Variants in DOK6 observed in about 807,000 individuals in gnomAD.
The protein encoded by DOK6 is downstream of tyrosine kinase 6.
DOK6 carries 22 observed loss-of-function variants against 44.0 expected under a neutral mutation model. The ratio of observed to expected loss-of-function variants is 0.50; its 90% CI spans 0.36 to 0.71. DOK6 has a LOEUF of 0.71. Ranked by LOEUF, DOK6 falls within the 30% of genes least tolerant of loss-of-function variation. DOK6 has a pLI of 0.00. For missense variants in DOK6, 340 were observed against 416.4 expected (o/e 0.82, Z 1.60); for synonymous variants, 166 against 145.5 (o/e 1.14, Z -1.01).
At chr18:69,587,645 T>A (rs2144614540) in intron 2 of DOK6, among the ~76,000 whole-genome samples, 1 of 152,270 alleles carries the variant, frequency 6.6e-6, no homozygotes, top group South Asian at 2.1e-4. Flanking sequence ...AGCTGTATAG[T>A]ATCTGATAAT....
At chr18:69,518,715 GA>G (rs1981602998) in intron 1 of DOK6, among the ~76,000 whole-genome samples, 2 of 151,942 alleles carry the variant, frequency 1.3e-5, no homozygotes, top group South Asian at 4.1e-4. Flanking sequence ...AAAACAGAAA[GA>G]AAAATCTTTA....
intron 7 of DOK6, among the ~76,000 whole-genome samples, chr18:69,773,549 C>G (rs1428742071): frequency 4.6e-5 from 7 of 151,776 alleles, no homozygotes; most frequent in South Asian, 4.1e-4. Context: ...CATGGATGAG[C>G]CTTGAGGATG....
intron 1 of DOK6, among the ~76,000 whole-genome samples, chr18:69,552,745 G>A (rs1982595950): frequency 6.6e-6 from 1 of 152,214 alleles, no homozygotes; most frequent in African/African-American, 2.4e-5. Flanking sequence ...AGGTGTTCTT[G>A]TTTGTTTCAT....
intron 5 of DOK6, among the ~76,000 whole-genome samples, chr18:69,726,274 TG>T (rs1379215086): frequency 6.6e-6 from 1 of 152,244 alleles, no homozygotes; most frequent in African/African-American, 2.4e-5. Flanking sequence ...CGCTCTTGTT[TG>T]AGTCATCACT....
intron 2 of DOK6, among the ~76,000 whole-genome samples, chr18:69,586,531 T>C (rs1983504926): frequency 6.6e-6 from 1 of 152,206 alleles, no homozygotes; most frequent in Non-Finnish European, 1.5e-5. Flanking sequence ...CCATTCCCTC[T>C]GAAAAATTCA....
At chr18:69,460,486 T>C (rs901152295) in intron 1 of DOK6, among the ~76,000 whole-genome samples, 2 of 152,208 alleles carry the variant, frequency 1.3e-5, no homozygotes, top group African/African-American at 2.4e-5. Flanking sequence ...AGTCAGTTTA[T>C]GCTTTATGTA....
chr18:69,707,459 A>T (rs965473954), intron 5 of DOK6, among the ~76,000 whole-genome samples: 5 of 152,214 alleles, frequency 3.3e-5, no homozygotes, highest in African/African-American at 1.2e-4. Context: ...CAGCTTGCTT[A>T]CTAGTTTCCT....
chr18:69,841,157 A>G lies in DOK6; in HGVS notation c.857-87A>G, dbSNP rs933688365. ...GTTTATTGTTCTTAAAAATATAGAT[A>G]GATAGATAATAGATAGATGATAGAT... On this transcript the variant is annotated intron_variant, in intron 7 of 7. Coordinates refer to ENST00000382713, the MANE Select transcript of DOK6 (RefSeq NM_152721.6). 89 of 1,506,914 alleles carry G rather than the reference A, an allele frequency of 5.9e-5. 1 individual carries two copies. Among genetic ancestry groups the G allele is most frequent in the Non-Finnish European group, 1.1e-5 (12 of 1,100,486 alleles). 93.3% of individuals were successfully genotyped at this position (1,506,914 alleles called of 1,614,324 possible).
intron 3 of DOK6, among the ~76,000 whole-genome samples, chr18:69,640,369 G>C (rs901939096): frequency 1.3e-5 from 2 of 152,078 alleles, no homozygotes; most frequent in African/African-American, 4.8e-5. Flanking sequence ...TTCATGAGAG[G>C]TACAATTGTA....
At chr18:69,745,024 A>G (rs1978940611) in intron 6 of DOK6, among the ~76,000 whole-genome samples, 1 of 152,070 alleles carries the variant, frequency 6.6e-6, no homozygotes, top group African/African-American at 2.4e-5. Context: ...ATAGTGAGAA[A>G]GCAATGTGTA....
chr18:69,725,573 C>T (rs936253785), intron 5 of DOK6, among the ~76,000 whole-genome samples: 9 of 152,150 alleles, frequency 5.9e-5, no homozygotes, highest in African/African-American at 1.7e-4. Context: ...CTGCAGCCTC[C>T]GCCTCCTGGG....
chr18:69,681,655 T>C (rs919904123), intron 4 of DOK6, among the ~76,000 whole-genome samples: 6 of 152,186 alleles, frequency 3.9e-5, no homozygotes, highest in African/African-American at 1.2e-4. Context: ...ATTCTTAAAA[T>C]TTCCAGGATC....
chr18:69,412,001 G>A (rs1392610904), intron 1 of DOK6, among the ~76,000 whole-genome samples: 4 of 151,926 alleles, frequency 2.6e-5, no homozygotes, highest in African/African-American at 7.3e-5. Context: ...TATCAATTTC[G>A]ATGATTTTAT....
chr18:69,688,430 C>CTTA (rs906885794), intron 4 of DOK6, among the ~76,000 whole-genome samples: 3 of 152,176 alleles, frequency 2.0e-5, no homozygotes, highest in Non-Finnish European at 2.9e-5. Flanking sequence ...AATTATAGCA[C>CTTA]TTATTATAAG....
intron 1 of DOK6, among the ~76,000 whole-genome samples, chr18:69,524,739 A>G (rs1043739017): frequency 1.3e-5 from 2 of 151,964 alleles, no homozygotes; most frequent in Non-Finnish European, 2.9e-5. Context: ...TAATATGTGG[A>G]TTATGAAGGA....
intron 1 of DOK6, among the ~76,000 whole-genome samples, chr18:69,536,850 C>A (rs1371828199): frequency 6.6e-6 from 1 of 151,716 alleles, no homozygotes; most frequent in Non-Finnish European, 1.5e-5. Context: ...GTAAACTGGC[C>A]AATATCATGT....
At position 69,526,569 on chromosome 18, in the gene DOK6, G is replaced by C. The variant is rs149470956; in HGVS notation, c.67-37918G>C. On this transcript the variant is annotated intron_variant, in intron 1 of 7. Transcript: ENST00000382713. ...TATAAACATTCATGTACAAGTTTTTGTGTGTACATATGTTTTCATTTCTCT... is the reference window on the plus strand; with the variant it reads ...TATAAACATTCATGTACAAGTTTTTCTGTGTACATATGTTTTCATTTCTCT... 1.0e-3 allele frequency among the ~76,000 whole-genome samples: 152 copies of C among 152,210 alleles called. 1 individual carries two copies. The highest frequency in any genetic ancestry group is 1.8e-3 in the Non-Finnish European group (124 of 67,998).
chr18:69,451,118 G>A (rs930216717), intron 1 of DOK6, among the ~76,000 whole-genome samples: 4 of 149,454 alleles, frequency 2.7e-5, no homozygotes, highest in Admixed American at 6.7e-5. Flanking sequence ...AGACTGGCAA[G>A]TCGGATAAAG....
At chr18:69,651,776 C>T (rs906396563) in intron 3 of DOK6, among the ~76,000 whole-genome samples, 4 of 152,034 alleles carry the variant, frequency 2.6e-5, no homozygotes, top group African/African-American at 9.7e-5. Context: ...TGTCAGCTAC[C>T]GCGCCCAGCC....
Sources: allele counts gnomAD v4.1 joint callset (sites outside exome capture counted in the v4.1 genomes callset), GRCh38; gene constraint gnomAD v4.1.1; transcripts MANE v1.5; gene names NCBI Gene and HGNC (gene_info 2026-07-23, HGNC 2026-07-21).